ANKRD62: variants seen among roughly 807,000 people sequenced by gnomAD.
ANKRD62 encodes ankyrin repeat domain 62, also known as ankyrin repeat domain-containing protein 62.
ANKRD62 carries 61 observed loss-of-function variants against 98.8 expected under a neutral mutation model. The ratio of observed to expected loss-of-function variants is 0.62; its 90% confidence interval spans 0.50 to 0.76. ANKRD62 has a LOEUF of 0.76. Among genes scored for constraint, ANKRD62 ranks in the 30% least tolerant of loss-of-function variants. The pLI, the probability that ANKRD62 is intolerant of heterozygous loss-of-function variation, is 0.00. For synonymous variants in ANKRD62, 341 were observed against 367.9 expected, an observed-to-expected ratio of 0.93 and a Z score of 0.84; for missense variants, 933 against 1,082.9, an observed-to-expected ratio of 0.86 and a Z score of 1.94.
the ANKRD62 span, among the ~76,000 whole-genome samples, chr18:12,156,876 T>A: frequency 2.0e-5 from 3 of 152,196 alleles, no homozygotes; most frequent in Non-Finnish European, 4.4e-5. Flanking sequence ...AGAAAAGTAT[T>A]TTCCCTCTAA....
the ANKRD62 span, among the ~76,000 whole-genome samples, chr18:12,146,275 A>G: frequency 6.6e-6 from 1 of 152,138 alleles, no homozygotes; most frequent in African/African-American, 2.4e-5. Context: ...GACATCTTAA[A>G]CCTCACTCTG....
At chr18:12,171,729 A>T in the ANKRD62 span, among the ~76,000 whole-genome samples, 22 of 152,222 alleles carry the variant, frequency 1.4e-4, no homozygotes, top group Middle Eastern at 6.8e-3. Context: ...TATCCTGCAG[A>T]GTGTTTTCCA....
the ANKRD62 span, among the ~76,000 whole-genome samples, chr18:12,135,728 C>G: frequency 3.4e-5 from 5 of 146,220 alleles, no homozygotes; most frequent in Admixed American, 6.9e-5. Flanking sequence ...TTTTAATGAT[C>G]GCCATTCTAA....
At chr18:12,102,073 G>C in intron 6 of ANKRD62, 1 of 1,372,158 alleles carries the variant, frequency 7.3e-7, no homozygotes, top group Non-Finnish European at 1.0e-6. Context: ...AAAGGTTAAA[G>C]CTGAAAGTGC....
At chr18:12,123,659 T>A (rs1024085889) in intron 11 of ANKRD62, among the ~76,000 whole-genome samples, 1 of 152,230 alleles carries the variant, frequency 6.6e-6, no homozygotes, top group African/African-American at 2.4e-5. Context: ...CATCTGGAGA[T>A]ACATGTTGCA....
the ANKRD62 span, among the ~76,000 whole-genome samples, chr18:12,178,379 C>T: frequency 1.4e-5 from 2 of 147,210 alleles, no homozygotes; most frequent in Non-Finnish European, 2.9e-5. Flanking sequence ...CCTCTGAACA[C>T]GGGAGGCCAG....
chr18:12,141,082 G>A, the ANKRD62 span, among the ~76,000 whole-genome samples: 44 of 152,276 alleles, frequency 2.9e-4, no homozygotes, highest in South Asian at 1.2e-3. Context: ...CCTCGCTGCC[G>A]CCTTGCAGTT....
chr18:12,096,659 C>A (rs940828992), intron 4 of ANKRD62, among the ~76,000 whole-genome samples: 1 of 152,106 alleles, frequency 6.6e-6, no homozygotes, highest in Non-Finnish European at 1.5e-5. Flanking sequence ...TTTCTTAACT[C>A]TTTTATAGTA....
chr18:12,122,327 A>G lies in ANKRD62; in HGVS notation c.1265A>G (p.Lys422Arg). 1 of 1,534,930 alleles carries G rather than the reference A, an allele frequency of 6.5e-7. No homozygotes were observed. The highest frequency in any genetic ancestry group is 8.7e-7 in the Non-Finnish European group (1 of 1,146,546). ...CKDFVSLSKS[K>R]NATAACGRSI... The stretch of plus-strand genomic sequence containing the variant: ...GATTTTGTTAGCCTATCGAAAAGCA[A>G]GAATGCAACAGCTGCATGTGGAAGA... The change falls in exon 11 of 14, where the codon AAG becomes AGG. Residue 422 changes from lysine (K) to arginine (R), a missense_variant. Coordinates refer to ENST00000587848, the MANE Select transcript of ANKRD62 (RefSeq NM_001277333.2).
At chr18:12,138,512 T>G in the ANKRD62 span, among the ~76,000 whole-genome samples, 1 of 152,188 alleles carries the variant, frequency 6.6e-6, no homozygotes, top group South Asian at 2.1e-4. Context: ...CTGGAAAGAA[T>G]GTATATTCTG....
At chr18:12,117,988 C>A (rs1024918215) in intron 10 of ANKRD62, among the ~76,000 whole-genome samples, 8 of 152,146 alleles carry the variant, frequency 5.3e-5, no homozygotes, top group South Asian at 2.1e-4. Flanking sequence ...TCTACCTGCA[C>A]ACATATGTAG....
the ANKRD62 span, among the ~76,000 whole-genome samples, chr18:12,160,481 G>A: frequency 6.6e-6 from 1 of 152,130 alleles, no homozygotes; most frequent in Admixed American, 6.5e-5. Flanking sequence ...TGCTGAGGAA[G>A]TAAATCAACA....
the ANKRD62 span, among the ~76,000 whole-genome samples, chr18:12,146,123 A>G: frequency 1.3e-5 from 2 of 151,436 alleles, no homozygotes; most frequent in Non-Finnish European, 2.9e-5. Context: ...ACAGCACAGC[A>G]CAGCACAGCG....
the ANKRD62 span, among the ~76,000 whole-genome samples, chr18:12,150,805 A>G: frequency 2.6e-5 from 4 of 152,238 alleles, no homozygotes; most frequent in Non-Finnish European, 4.4e-5. Context: ...TGAAAGGAGC[A>G]CTAAATATAG....
At chr18:12,158,690 A>T in the ANKRD62 span, among the ~76,000 whole-genome samples, 2 of 132,430 alleles carry the variant, frequency 1.5e-5, no homozygotes, top group Non-Finnish European at 1.6e-5. Context: ...TGCCTGGCTA[A>T]TTTTTTTTTT....
the ANKRD62 span, among the ~76,000 whole-genome samples, chr18:12,135,505 G>C: frequency 6.6e-6 from 1 of 151,378 alleles, no homozygotes; most frequent in East Asian, 1.9e-4. Context: ...ATAAACATAC[G>C]TGTGCGTGTG....
the ANKRD62 span, among the ~76,000 whole-genome samples, chr18:12,140,849 C>T: frequency 0.011 from 1,666 of 152,302 alleles, 22 homozygotes; most frequent in Middle Eastern, 0.054. Flanking sequence ...TCTCAAGCTG[C>T]CTGCTGGGAG....
the ANKRD62 span, among the ~76,000 whole-genome samples, chr18:12,169,831 T>TTCAACTTCTTCCTGGTTTAG: frequency 1.3e-5 from 2 of 152,236 alleles, no homozygotes; most frequent in South Asian, 4.1e-4. Context: ...TATTCAGCAA[T>TTCAACTTCTTCCTGGTTTAG]TCAACTTCTT....
chr18:12,099,636 A>G lies in ANKRD62; in HGVS notation c.774A>G (p.Glu258=). The change falls in exon 6 of 14, where the codon GAA becomes GAG. Residue 258 remains glutamate, a synonymous_variant. Coordinates refer to ENST00000587848, the MANE Select transcript of ANKRD62 (RefSeq NM_001277333.2). Reference sequence around the variant, plus strand: ...ATAGCATTCGTGGAATGATTTCTGAATATAAAGCAAACAAGAGATGTAAAA... The same window carrying G: ...ATAGCATTCGTGGAATGATTTCTGAGTATAAAGCAAACAAGAGATGTAAAA... ...KFQAIRGMIS[E]YKANKRCKSL... The G allele has an allele frequency of 6.7e-7, 1 of 1,495,994 alleles. No individual in the cohort carries two copies. Among genetic ancestry groups the G allele is most frequent in the Non-Finnish European group, 8.9e-7 (1 of 1,124,970 alleles). 92.7% of individuals were successfully genotyped at this position (1,495,994 alleles called of 1,614,324 possible). A position where few individuals can be genotyped will look rare whatever the true frequency, so the allele number is the denominator to read the frequency against.
Sources: allele counts gnomAD v4.1 joint callset (sites outside exome capture counted in the v4.1 genomes callset), GRCh38; gene constraint gnomAD v4.1.1; transcripts MANE v1.5; gene names NCBI Gene and HGNC (gene_info 2026-07-23, HGNC 2026-07-21).